VPS13C: variants seen among roughly 807,000 people sequenced by gnomAD.
The protein encoded by VPS13C is vacuolar protein sorting 13 homolog C.
Under a neutral mutation model 456.8 loss-of-function variants are expected in VPS13C, and 358 were observed. The ratio of observed to expected loss-of-function variants is 0.78; its 90% CI spans 0.72 to 0.86. The LOEUF (loss-of-function observed/expected upper bound fraction) is 0.86. Among genes scored for constraint, VPS13C ranks in the 40% least tolerant of loss-of-function variants. VPS13C has a pLI of 0.00. For missense variants in VPS13C, 4,818 were observed against 4,385.4 expected, an observed-to-expected ratio of 1.10 and a Z score of -2.79; for synonymous variants, 1,578 against 1,486.7, an observed-to-expected ratio of 1.06 and a Z score of -1.41.
chr15:62,035,220 A>G (rs2047951309), intron 3 of VPS13C, among the ~76,000 whole-genome samples, 168 bp from the exon 4 acceptor site: 1 of 152,024 alleles, frequency 6.6e-6, no homozygotes, highest in Admixed American at 6.6e-5. Flanking sequence ...TCTTTTCCAC[A>G]TAAAATTACT....
intron 41 of VPS13C, 52 bp downstream of exon 41, chr15:61,950,306 G>T: frequency 7.5e-7 from 1 of 1,330,722 alleles, no homozygotes; most frequent in Non-Finnish European, 1.1e-6. Flanking sequence ...TGGCTATGAA[G>T]CTAGATATAA....
At position 62,037,043 on chromosome 15, in the gene VPS13C, G is replaced by A. The variant is rs182314954; in HGVS notation, c.188-1991C>T. On this transcript the variant is annotated intron_variant, in intron 3 of 84. Transcript: ENST00000644861. Reference sequence around the variant, plus strand: ...GACAATATACTTTGCATACTTATTTGTAAAGGGTCTCTCATAACTCAATGG... The same window carrying A: ...GACAATATACTTTGCATACTTATTTATAAAGGGTCTCTCATAACTCAATGG... Among the ~76,000 whole-genome samples the A allele has an allele frequency of 3.4e-5, 5 of 148,096 alleles. No homozygotes were observed. The East Asian group carries it at 9.9e-4, about 29-fold the overall frequency.
chr15:61,904,956 T>A (rs1012046542), intron 66 of VPS13C, among the ~76,000 whole-genome samples: 4 of 151,114 alleles, frequency 2.6e-5, no homozygotes, highest in African/African-American at 9.7e-5. Flanking sequence ...TTATAGAGAG[T>A]TGATGTTGGT....
In VPS13C at chr15:61,963,961, A is replaced by G; in HGVS notation, c.3215-10T>C. The G allele has an allele frequency of 6.5e-7, 1 of 1,537,304 alleles. No individual in the cohort carries two copies. ...CTGGAGGATACAATCGCTAAAAATA[A>G]AACAAAGCATCTGTCACATGGTGAG... On this transcript the variant is annotated splice_polypyrimidine_tract_variant and intron_variant, in intron 31 of 84. Coordinates refer to ENST00000644861, the MANE Select transcript of VPS13C (RefSeq NM_020821.3).
Position 61,927,239 on chromosome 15 carries a change from G to C in VPS13C, c.6368C>G (p.Ala2123Gly), listed in dbSNP as rs1170398414. ...CGAGGCTGTCAGAGCAGGAGCATCA[G>C]CCTTTGTCAGGCTGGCAACAAATAC... is the stretch of plus-strand genomic sequence containing the variant. ...EVVFVASLTK[A>G]DAPALTASFQ... is the part of the protein sequence containing the mutation. Residue 2123 changes from alanine to glycine, a missense_variant, in exon 52 of 85, where the codon GCT becomes GGT. Transcript: ENST00000644861. 2 of 1,614,202 alleles carry C rather than the reference G, an allele frequency of 1.2e-6. No individual in the cohort carries two copies. Among genetic ancestry groups the C allele is most frequent in the Non-Finnish European group, 1.7e-6 (2 of 1,180,022 alleles).
chr15:61,910,901 A>T (rs2043284568), intron 63 of VPS13C, among the ~76,000 whole-genome samples: 1 of 152,170 alleles, frequency 6.6e-6, no homozygotes, highest in East Asian at 1.9e-4. Context: ...ATTTCTGAAT[A>T]AAAAATACTA....
Position 62,023,463 on chromosome 15 carries a change from A to G in VPS13C, c.572T>C (p.Ile191Thr). Residue 191 changes from isoleucine (I) to threonine (T), a missense_variant, in exon 8 of 85, where the codon ATA becomes ACA. Coordinates refer to ENST00000644861, the MANE Select transcript of VPS13C (RefSeq NM_020821.3). ...TFVEKLATQV[I>T]KNVQVKITDI... is the part of the protein sequence containing the mutation. Reference sequence around the variant, plus strand: ...TGTGATTTTTACTTGTACATTTTTTATTACTTGAGTTGCCAATTTTTCCAC... The same window carrying G: ...TGTGATTTTTACTTGTACATTTTTTGTTACTTGAGTTGCCAATTTTTCCAC... 6.3e-7 allele frequency: 1 copy of G among 1,584,726 alleles called. No individual in the cohort carries two copies. Among genetic ancestry groups the G allele is most frequent in the African/African-American group, 1.4e-5 (1 of 73,660 alleles).
chr15:61,913,513 A>T, intron 61 of VPS13C, 98 bp from the exon 62 acceptor site: 1 of 957,346 alleles, frequency 1.0e-6, no homozygotes. Flanking sequence ...TTTCTTTAGT[A>T]CCGTGGGACA....
intron 67 of VPS13C, among the ~76,000 whole-genome samples, chr15:61,889,228 G>T (rs1368350549): frequency 6.6e-6 from 1 of 151,888 alleles, no homozygotes; most frequent in Non-Finnish European, 1.5e-5. Context: ...GGGAAAACTG[G>T]ACCTATATAA....
chr15:62,060,220 G>C lies in VPS13C; in HGVS notation c.100+55C>G, dbSNP rs534853864. The C allele has an allele frequency of 7.4e-5, 76 of 1,023,774 alleles. No homozygotes were observed. In the African/African-American group the frequency reaches 1.1e-3, roughly 15 times the overall value. The allele number at this position is 1,023,774 out of a possible 1,614,324, so 63.4% of individuals were successfully genotyped here. Reference sequence around the variant, plus strand: ...CCCGGGCAGAATCCCGGACGGAGCAGCCCTCGGCTGGGCCCTCAGCGCCCG... The same window carrying C: ...CCCGGGCAGAATCCCGGACGGAGCACCCCTCGGCTGGGCCCTCAGCGCCCG... On this transcript the variant is annotated intron_variant, in intron 1 of 84. Transcript: ENST00000644861.
intron 9 of VPS13C, among the ~76,000 whole-genome samples, chr15:62,016,204 T>C (rs917521636): frequency 6.6e-6 from 1 of 151,338 alleles, no homozygotes. Context: ...CCTCTCCATA[T>C]AAGTAGTCAT....
At chr15:61,991,198 T>C in intron 17 of VPS13C, 104 bp from the exon 18 acceptor site, 1 of 856,936 alleles carries the variant, frequency 1.2e-6, no homozygotes, top group South Asian at 1.7e-5. Context: ...CAGACACAAA[T>C]GCTAAAGCAA....
chr15:61,855,646 T>C (rs888209197), intron 83 of VPS13C, among the ~76,000 whole-genome samples: 1 of 152,126 alleles, frequency 6.6e-6, no homozygotes, highest in Non-Finnish European at 1.5e-5. Flanking sequence ...GTTTTGCAGA[T>C]AGTTTCACTA....
chr15:61,964,020 C>T (rs997609991), intron 31 of VPS13C, 69 bp from the exon 32 acceptor site: 21 of 1,005,738 alleles, frequency 2.1e-5, no homozygotes, highest in African/African-American at 1.6e-4. Flanking sequence ...AAGGTTTATT[C>T]GCTATATTAA....
chr15:61,965,221 C>A (rs977856281), intron 30 of VPS13C, among the ~76,000 whole-genome samples: 2 of 151,710 alleles, frequency 1.3e-5, no homozygotes, highest in African/African-American at 4.8e-5. Flanking sequence ...AGTCAAAAGG[C>A]GAAATCCCAG....
intron 67 of VPS13C, among the ~76,000 whole-genome samples, chr15:61,885,178 T>C (rs960335952): frequency 6.6e-6 from 1 of 152,126 alleles, no homozygotes; most frequent in African/African-American, 2.4e-5. Context: ...ATCTTGATAC[T>C]ACCTGAGATT....
At position 62,034,995 on chromosome 15, in the gene VPS13C, G is replaced by C; in HGVS notation, c.245C>G (p.Thr82Ser). Residue 82 changes from threonine (T) to serine (S), a missense_variant, in exon 4 of 85, where the codon ACC becomes AGC. By Grantham distance (58) the Thr-to-Ser change is moderately conservative. Coordinates refer to ENST00000644861, the MANE Select transcript of VPS13C (RefSeq NM_020821.3). Reference sequence around the variant, plus strand: ...AACAAGCAGGTATAATCCTTCCAGGGTCGCAACAACTGCTTCTCCATAAAG... The same window carrying C: ...AACAAGCAGGTATAATCCTTCCAGGCTCGCAACAACTGCTTCTCCATAAAG... ...KNLYGEAVVATLEGLYLLVVP... is the reference protein window; with the variant it reads ...KNLYGEAVVASLEGLYLLVVP... 2 of 1,602,776 alleles carry C rather than the reference G, an allele frequency of 1.2e-6. No homozygotes were observed. Among genetic ancestry groups the C allele is most frequent in the Non-Finnish European group, 1.7e-6 (2 of 1,173,646 alleles).
intron 27 of VPS13C, among the ~76,000 whole-genome samples, chr15:61,969,752 C>T (rs1356788305): frequency 1.3e-5 from 2 of 151,888 alleles, no homozygotes; most frequent in African/African-American, 4.8e-5. Flanking sequence ...ACCTGTATTT[C>T]AAAGCAAAAA....
At chr15:61,991,266 G>A (rs576549136) in intron 17 of VPS13C, among the ~76,000 whole-genome samples, 172 bp from the exon 18 acceptor site, 1 of 152,256 alleles carries the variant, frequency 6.6e-6, no homozygotes, top group East Asian at 1.9e-4. Context: ...TATTCTATTT[G>A]CTTGCTAAGG....
Sources: allele counts gnomAD v4.1 joint callset (sites outside exome capture counted in the v4.1 genomes callset), GRCh38; gene constraint gnomAD v4.1.1; transcripts MANE v1.5; gene names NCBI Gene and HGNC (gene_info 2026-07-23, HGNC 2026-07-21).